RFX3: variants seen among roughly 807,000 people sequenced by gnomAD.
The protein encoded by RFX3 is regulatory factor X3.
RFX3 carries 14 observed loss-of-function variants against 98.6 expected under a neutral mutation model. That is an observed-to-expected ratio of 0.14 (90% CI 0.09 to 0.22). The LOEUF (loss-of-function observed/expected upper bound fraction) is 0.22. Ranked by LOEUF, RFX3 falls within the 10% of genes least tolerant of loss-of-function variation. RFX3 has a pLI of 1.00. For synonymous variants in RFX3, 383 were observed against 328.4 expected, an observed-to-expected ratio of 1.17 and a Z score of -1.80; for missense variants, 639 against 926.9, an observed-to-expected ratio of 0.69 and a Z score of 4.03.
chr9:3,478,066 A>G (rs558009221), intron 1 of RFX3, among the ~76,000 whole-genome samples: 16 of 152,090 alleles, frequency 1.1e-4, no homozygotes, highest in African/African-American at 3.4e-4. Context: ...TTCTTTAGAC[A>G]TGGTTTCATT....
At chr9:3,241,561 A>G (rs1407683515) in intron 15 of RFX3, among the ~76,000 whole-genome samples, 3 of 152,200 alleles carry the variant, frequency 2.0e-5, no homozygotes, top group African/African-American at 7.2e-5. Flanking sequence ...ACAGAATGAC[A>G]AACCAGGAAC....
chr9:3,291,080 C>T (rs1827266945), intron 6 of RFX3, among the ~76,000 whole-genome samples: 2 of 152,142 alleles, frequency 1.3e-5, no homozygotes, highest in Non-Finnish European at 2.9e-5. Flanking sequence ...ACAGGCCTTG[C>T]TGGGCTGGGT....
intron 5 of RFX3, among the ~76,000 whole-genome samples, chr9:3,300,576 A>G (rs1828532085): frequency 6.6e-6 from 1 of 151,836 alleles, no homozygotes; most frequent in Non-Finnish European, 1.5e-5. Context: ...GGGTGATCCA[A>G]TATCGAGCTT....
intron 4 of RFX3, among the ~76,000 whole-genome samples, chr9:3,317,688 A>T (rs1398521268): frequency 2.0e-5 from 3 of 152,144 alleles, no homozygotes; most frequent in African/African-American, 7.2e-5. Context: ...AAATCAAACA[A>T]CCCCATCAAA....
intron 5 of RFX3, among the ~76,000 whole-genome samples, chr9:3,294,377 T>C (rs140264611): frequency 8.1e-4 from 123 of 152,230 alleles, no homozygotes; most frequent in Admixed American, 3.5e-3. Context: ...ATTCAAGTTA[T>C]TATAAATTAT....
chr9:3,422,695 TAATA>T (rs1358221315), intron 1 of RFX3, among the ~76,000 whole-genome samples: 3 of 152,180 alleles, frequency 2.0e-5, no homozygotes, highest in African/African-American at 7.2e-5. Context: ...GAATGGTAAA[TAATA>T]TATATAATCA....
chr9:3,504,914 A>AATATAACATATATTATATAT (rs1816708771), intron 1 of RFX3, among the ~76,000 whole-genome samples: 1 of 68,930 alleles, frequency 1.5e-5, no homozygotes, highest in Non-Finnish European at 2.3e-5. Flanking sequence ...ATATATATAT[A>AATATAACATATATTATATAT]ATATAACATA....
intron 1 of RFX3, among the ~76,000 whole-genome samples, chr9:3,454,228 T>C (rs1234553567): frequency 6.6e-6 from 1 of 152,208 alleles, no homozygotes; most frequent in Admixed American, 6.5e-5. Flanking sequence ...AATAAAGGTA[T>C]ATTTCTACTC....
At chr9:3,524,750 C>G (rs894670414) in intron 1 of RFX3, 1 of 289,658 alleles carries the variant, frequency 3.5e-6, no homozygotes. Flanking sequence ...CCTCCCACCT[C>G]CACATGAAGG....
intron 4 of RFX3, among the ~76,000 whole-genome samples, chr9:3,314,275 C>T (rs1008372795): frequency 6.6e-6 from 1 of 152,062 alleles, no homozygotes. Flanking sequence ...CCAAACTAAG[C>T]TTCATAAGTG....
At position 3,294,275 on chromosome 9, in the gene RFX3, A is replaced by T. The variant is rs576129710; in HGVS notation, c.550-1017T>A. On this transcript the variant is annotated intron_variant, in intron 5 of 16. Coordinates refer to ENST00000617270, the MANE Select transcript of RFX3 (RefSeq NM_001282116.2). ...GATTACTCCAGACCAATGTTTCACA[A>T]AAGCAGTAAATATTTCACATTACTT... 5.9e-5 allele frequency among the ~76,000 whole-genome samples: 9 copies of T among 152,258 alleles called. No homozygotes were observed. In the South Asian group the frequency reaches 1.9e-3, roughly 32 times the overall value.
At chr9:3,280,851 A>G (rs1825836059) in intron 7 of RFX3, among the ~76,000 whole-genome samples, 2 of 151,868 alleles carry the variant, frequency 1.3e-5, no homozygotes, top group South Asian at 2.1e-4. Context: ...GTTGGTCCCA[A>G]ATAGATTCCT....
chr9:3,462,749 C>T (rs1479534809), intron 1 of RFX3, among the ~76,000 whole-genome samples: 1 of 152,030 alleles, frequency 6.6e-6, no homozygotes, highest in Non-Finnish European at 1.5e-5. Flanking sequence ...CAATACTAGT[C>T]ATATTGTATT....
chr9:3,294,034 T>C (rs1827705488), intron 5 of RFX3, among the ~76,000 whole-genome samples: 1 of 152,216 alleles, frequency 6.6e-6, no homozygotes, highest in African/African-American at 2.4e-5. Flanking sequence ...TATGTTATCC[T>C]GTGTACATTA....
intron 2 of RFX3, among the ~76,000 whole-genome samples, chr9:3,351,253 CTT>C (rs1835079058): frequency 6.6e-6 from 1 of 151,892 alleles, no homozygotes; most frequent in African/African-American, 2.4e-5. Flanking sequence ...ACTAAAGGTG[CTT>C]TAGAAAAATG....
chr9:3,499,211 T>C (rs550244460), intron 1 of RFX3, among the ~76,000 whole-genome samples: 3 of 152,218 alleles, frequency 2.0e-5, no homozygotes, highest in South Asian at 4.1e-4. Flanking sequence ...TGGATATAAA[T>C]GAACTGAGCA....
intron 1 of RFX3, among the ~76,000 whole-genome samples, chr9:3,430,794 G>GAA (rs1013446191): frequency 1.4e-5 from 2 of 146,198 alleles, no homozygotes; most frequent in South Asian, 4.3e-4. Flanking sequence ...GTAACAATTT[G>GAA]AAAAAAAAAA....
chr9:3,394,802 C>A, intron 2 of RFX3: 2 of 983,630 alleles, frequency 2.0e-6, no homozygotes, highest in Non-Finnish European at 2.4e-6. Flanking sequence ...TAGAAGAAAT[C>A]ACAGGCCAGT....
At chr9:3,231,931 G>A (rs1437397244) in intron 15 of RFX3, among the ~76,000 whole-genome samples, 2 of 152,054 alleles carry the variant, frequency 1.3e-5, no homozygotes, top group Non-Finnish European at 2.9e-5. Flanking sequence ...GGGCATGGTG[G>A]CGGAGGCAGG....
Sources: allele counts gnomAD v4.1 joint callset (sites outside exome capture counted in the v4.1 genomes callset), GRCh38; gene constraint gnomAD v4.1.1; transcripts MANE v1.5; gene names NCBI Gene and HGNC (gene_info 2026-07-23, HGNC 2026-07-21).